Variants in ACOT7 observed in about 807,000 individuals in gnomAD.
ACOT7 encodes the protein acyl-CoA thioesterase 7.
ACOT7 carries 12 observed loss-of-function variants against 40.2 expected under a neutral mutation model. The ratio of observed to expected loss-of-function variants is 0.30; its 90% CI spans 0.19 to 0.48. The LOEUF (loss-of-function observed/expected upper bound fraction) is 0.48. Ranked by LOEUF, ACOT7 falls within the 20% of genes least tolerant of loss-of-function variation. The pLI is 0.99. For synonymous variants in ACOT7, 228 were observed against 219.5 expected, an observed-to-expected ratio of 1.04 and a Z score of -0.34; for missense variants, 395 against 530.8, an observed-to-expected ratio of 0.74 and a Z score of 2.51.
chr1:6,372,941 TTG>T (rs1388929544), intron 1 of ACOT7, among the ~76,000 whole-genome samples: 24 of 152,140 alleles, frequency 1.6e-4, no homozygotes, highest in African/African-American at 5.1e-4. Flanking sequence ...TTCAAAATTG[TTG>T]TGTCTCAGGG....
rs771996901 is a variant in ACOT7 at position 6,349,744 on chromosome 1, C to G, written c.261+5G>C. ...GGCCCAGAGGTATGGGGCCCAGACC[C>G]TTACCCCGTTCTGGCTGTTGCAATG... is the stretch of plus-strand genomic sequence containing the variant. On this transcript the variant is annotated splice_donor_5th_base_variant and intron_variant, in intron 2 of 8. Coordinates refer to ENST00000361521, the MANE Select transcript of ACOT7 (RefSeq NM_007274.4). 15 of 1,611,872 alleles carry G rather than the reference C, an allele frequency of 9.3e-6. No individual in the cohort carries two copies. Among genetic ancestry groups the G allele is most frequent in the Non-Finnish European group, 8.5e-7 (1 of 1,179,148 alleles).
intron 7 of ACOT7, among the ~76,000 whole-genome samples, chr1:6,284,009 A>G (rs1402166691): frequency 6.6e-6 from 1 of 152,112 alleles, no homozygotes; most frequent in African/African-American, 2.4e-5. Context: ...AAAAAGAAAA[A>G]AACTGGAAAT....
At chr1:6,334,340 C>G (rs755937178) in intron 3 of ACOT7, among the ~76,000 whole-genome samples, 1 of 152,278 alleles carries the variant, frequency 6.6e-6, no homozygotes, top group Non-Finnish European at 1.5e-5. Context: ...CTGCCAAGAA[C>G]TCCCGCCAAA....
rs957614794 is a variant in ACOT7 at position 6,330,066 on chromosome 1, G to T, written c.511-2653C>A. ...ATCCAGGAAACCAGTGTGTGTGTGT[G>T]GTGTGTGTGTGTGTGTGCGTGTTCA... On this transcript the variant is annotated intron_variant, in intron 4 of 8. Transcript: ENST00000361521. The surrounding 1 kb of genome is among the most constrained non-coding windows in gnomAD (Gnocchi z 4.6). Among the ~76,000 whole-genome samples the T allele has an allele frequency of 1.3e-5, 2 of 150,996 alleles. No homozygotes were observed. The highest frequency in any genetic ancestry group is 1.5e-5 in the Non-Finnish European group (1 of 67,600).
rs753196905 is a variant in ACOT7 at position 6,393,308 on chromosome 1, G to T, written c.92C>A (p.Pro31His). ...CTCGACGTCTGGGCCCGACATGCTG[G>T]GGGCTGCGGCGGCGGATGCGGCGGG... is the stretch of plus-strand genomic sequence containing the variant. ...QPPAASAAAA[P>H]SMSGPDVETP... Residue 31 changes from proline (P) to histidine (H), a missense_variant, in exon 1 of 9, where the codon CCC (proline) becomes CAC (histidine). Pro to His is a moderately conservative substitution (Grantham distance 77, BLOSUM62 -2). Around this residue, in one of 2 missense-constraint regions of ACOT7, gnomAD observed 86 missense variants for 60.5 expected, o/e 1.42. Transcript: ENST00000361521. The T allele has an allele frequency of 4.6e-5, 59 of 1,283,074 alleles. No individual in the cohort carries two copies. The highest frequency in any genetic ancestry group is 5.4e-5 in the Non-Finnish European group (55 of 1,014,784). 79.5% of individuals were successfully genotyped at this position (1,283,074 alleles called of 1,614,324 possible). A position where few individuals can be genotyped will look rare whatever the true frequency, so the allele number is the denominator to read the frequency against.
Position 6,355,920 on chromosome 1 carries a change from G to C in ACOT7, c.144-6054C>G, listed in dbSNP as rs1449152678. 6.6e-6 allele frequency among the ~76,000 whole-genome samples: 1 copy of C among 152,142 alleles called. No homozygotes were observed. The highest frequency in any genetic ancestry group is 1.5e-5 in the Non-Finnish European group (1 of 68,018). On this transcript the variant is annotated intron_variant, in intron 1 of 8. Coordinates refer to ENST00000361521, the MANE Select transcript of ACOT7 (RefSeq NM_007274.4). This position sits in a 1 kb window ranked among gnomAD's most constrained non-coding sequence, Gnocchi z 5.0. ...CCCCCTGGCCTCACCTTGAGGGCTG[G>C]CCATGCCTCCTGTGCCCTGGGGTCC...
At chr1:6,342,740 GA>G (rs749880623) in intron 2 of ACOT7, among the ~76,000 whole-genome samples, 2 of 152,212 alleles carry the variant, frequency 1.3e-5, no homozygotes, top group Non-Finnish European at 2.9e-5. Context: ...ACAATGCTGT[GA>G]TGGGCACCCT....
At chr1:6,370,457 G>GTATTATTATTAT (rs34962967) in intron 1 of ACOT7, among the ~76,000 whole-genome samples, 24 of 140,808 alleles carry the variant, frequency 1.7e-4, no homozygotes, top group East Asian at 1.2e-3. Flanking sequence ...AGCAGTGTTA[G>GTATTATTATTAT]TATTATTATT....
rs1169160172 is a variant in ACOT7, at chr1:6,352,547, A to G, written c.144-2681T>C. Among the ~76,000 whole-genome samples, 1 of 151,614 alleles carries G rather than the reference A, an allele frequency of 6.6e-6. No homozygotes were observed. Among genetic ancestry groups the G allele is most frequent in the Non-Finnish European group, 1.5e-5 (1 of 67,978 alleles). ...AGGCAGGCAGGGGTGAGAGCCAGGG[A>G]GCCAGGGAAGCTGCTGCGTCTCACT... On this transcript the variant is annotated intron_variant, in intron 1 of 8. Transcript: ENST00000361521. The surrounding 1 kb of genome is among the most constrained non-coding windows in gnomAD (Gnocchi z 4.5).
At chr1:6,317,291 C>T (rs762082971) in intron 6 of ACOT7, among the ~76,000 whole-genome samples, 1 of 152,190 alleles carries the variant, frequency 6.6e-6, no homozygotes, top group Non-Finnish European at 1.5e-5. Flanking sequence ...TTCAAAATTA[C>T]AGTAGCCATG....
intron 5 of ACOT7, among the ~76,000 whole-genome samples, chr1:6,323,750 A>G (rs1640723916): frequency 8.8e-6 from 1 of 113,714 alleles, no homozygotes. Context: ...ATATATATAT[A>G]TATATATATA....
rs1641802898 is a variant in ACOT7, at chr1:6,358,266, G to A, written c.144-8400C>T. On this transcript the variant is annotated intron_variant, in intron 1 of 8. Transcript: ENST00000361521. The surrounding 1 kb of genome is among the most constrained non-coding windows in gnomAD (Gnocchi z 4.1). ...GCATCTCCAGAAGAGGGAAGGGTGG[G>A]AGGAAGGGCTGTGCCAAGGAAAGTT... is the stretch of plus-strand genomic sequence containing the variant. Among the ~76,000 whole-genome samples, 1 of 152,114 alleles carries A rather than the reference G, an allele frequency of 6.6e-6. No individual in the cohort carries two copies. Among genetic ancestry groups the A allele is most frequent in the East Asian group, 1.9e-4 (1 of 5,170 alleles).
At chr1:6,334,614 A>G (rs1439832590) in intron 3 of ACOT7, among the ~76,000 whole-genome samples, 1 of 152,260 alleles carries the variant, frequency 6.6e-6, no homozygotes, top group Non-Finnish European at 1.5e-5. Context: ...CCAGGTGCCA[A>G]GAGACGGGCT....
chr1:6,268,817 A>G (rs191536689), intron 8 of ACOT7, among the ~76,000 whole-genome samples: 2 of 152,308 alleles, frequency 1.3e-5, no homozygotes, highest in African/African-American at 4.8e-5. Flanking sequence ...GGCCTCCATG[A>G]CCACCTGGGA....
intron 5 of ACOT7, among the ~76,000 whole-genome samples, chr1:6,325,654 A>G (rs1640777095): frequency 6.6e-6 from 1 of 152,184 alleles, no homozygotes; most frequent in African/African-American, 2.4e-5. Flanking sequence ...TCAGAGACAC[A>G]CATGTGAGAC....
In ACOT7 at chr1:6,289,561, A is replaced by C. The variant is rs963722095; in HGVS notation, c.829+5303T>G. On this transcript the variant is annotated intron_variant, in intron 7 of 8. Coordinates refer to ENST00000361521, the MANE Select transcript of ACOT7 (RefSeq NM_007274.4). This position sits in a 1 kb window ranked among gnomAD's most constrained non-coding sequence, Gnocchi z 4.6. ...AGATAATTTTTAAATTTTTGTAGAGATGGGGCCTCACCATGTTGCCCAGGC... is the reference window on the plus strand; with the variant it reads ...AGATAATTTTTAAATTTTTGTAGAGCTGGGGCCTCACCATGTTGCCCAGGC... 1.3e-5 allele frequency among the ~76,000 whole-genome samples: 2 copies of C among 151,896 alleles called. No individual in the cohort carries two copies. The highest frequency in any genetic ancestry group is 4.8e-5 in the African/African-American group (2 of 41,296).
intron 1 of ACOT7, among the ~76,000 whole-genome samples, chr1:6,383,741 G>T (rs539322426): frequency 1.3e-5 from 2 of 151,302 alleles, no homozygotes; most frequent in South Asian, 2.1e-4. Flanking sequence ...GTCTTGCTCC[G>T]TGGCCCAGGC....
At chr1:6,343,621 C>T (rs1254628239) in intron 2 of ACOT7, among the ~76,000 whole-genome samples, 1 of 152,256 alleles carries the variant, frequency 6.6e-6, no homozygotes, top group Non-Finnish European at 1.5e-5. Flanking sequence ...ACCCATTGGC[C>T]AAAGGCTGTT....
At chr1:6,316,062 G>A (rs147890069) in intron 6 of ACOT7, among the ~76,000 whole-genome samples, 2 of 152,290 alleles carry the variant, frequency 1.3e-5, no homozygotes, top group African/African-American at 2.4e-5. Flanking sequence ...TCAGCACGTA[G>A]ACAGCGACGA....
Sources: gnomAD v4.1 joint callset for allele counts (sites outside exome capture counted in the v4.1 genomes callset) on GRCh38, gnomAD v4.1.1 for gene constraint, gnomAD v4.1.1 regional missense constraint, Gnocchi (gnomAD v3.1) non-coding constraint, MANE v1.5 for transcripts, NCBI Gene and HGNC (gene_info 2026-07-23, HGNC 2026-07-21) for gene names.